Variants in MAPK8 observed in about 807,000 individuals in gnomAD.
MAPK8 encodes the protein mitogen-activated protein kinase 8, also known as JUN N-terminal kinase.
Under a neutral mutation model 52.9 loss-of-function variants are expected in MAPK8, and 13 were observed. The ratio of observed to expected loss-of-function variants is 0.25; its 90% CI spans 0.16 to 0.39. MAPK8 has a LOEUF of 0.39. Ranked by LOEUF, MAPK8 falls within the 10% of genes least tolerant of loss-of-function variation. MAPK8 has a pLI of 1.00. For synonymous variants in MAPK8, 191 were observed against 169.8 expected, an observed-to-expected ratio of 1.12 and a Z score of -0.97; for missense variants, 300 against 519.2, an observed-to-expected ratio of 0.58 and a Z score of 4.10.
chr10:48,352,447 T>G (rs1846428016), intron 1 of MAPK8, among the ~76,000 whole-genome samples: 1 of 152,192 alleles, frequency 6.6e-6, no homozygotes, highest in Non-Finnish European at 1.5e-5. Context: ...GACTTTATTT[T>G]GGGAATGCAA....
At chr10:48,308,698 T>G (rs1841647035) in intron 1 of MAPK8, among the ~76,000 whole-genome samples, 1 of 152,188 alleles carries the variant, frequency 6.6e-6, no homozygotes, top group Non-Finnish European at 1.5e-5. Flanking sequence ...TTTGAAAGTT[T>G]TTTGGTGACT....
chr10:48,322,121 T>C (rs796993855), intron 1 of MAPK8, among the ~76,000 whole-genome samples: 4 of 152,312 alleles, frequency 2.6e-5, no homozygotes, highest in African/African-American at 9.6e-5. Flanking sequence ...GAATTCCTTT[T>C]AGATTGGATG....
intron 5 of MAPK8, among the ~76,000 whole-genome samples, chr10:48,418,012 C>T (rs890483966): frequency 2.6e-5 from 4 of 152,210 alleles, no homozygotes; most frequent in Non-Finnish European, 4.4e-5. Flanking sequence ...GTCTGCGTCA[C>T]AGCTACAAGA....
At chr10:48,424,975 CTGTGTGGTT>C (rs1427754739) in intron 7 of MAPK8, among the ~76,000 whole-genome samples, 1 of 151,964 alleles carries the variant, frequency 6.6e-6, no homozygotes, top group African/African-American at 2.4e-5. Flanking sequence ...TGTTAATGTT[CTGTGTGGTT>C]TGTGTCTTTT....
intron 5 of MAPK8, among the ~76,000 whole-genome samples, chr10:48,412,948 TCTC>T (rs1170960221): frequency 6.6e-6 from 1 of 152,108 alleles, no homozygotes; most frequent in Non-Finnish European, 1.5e-5. Context: ...AATTCCCTAT[TCTC>T]CTCTCCCCGC....
intron 1 of MAPK8, among the ~76,000 whole-genome samples, chr10:48,325,124 T>C (rs1390039248): frequency 6.6e-6 from 1 of 152,012 alleles, no homozygotes; most frequent in African/African-American, 2.4e-5. Flanking sequence ...TACAGGCACG[T>C]GCCACCATGC....
intron 1 of MAPK8, among the ~76,000 whole-genome samples, chr10:48,317,243 A>T (rs1419420050): frequency 6.6e-6 from 1 of 152,146 alleles, no homozygotes; most frequent in Non-Finnish European, 1.5e-5. Context: ...GTGTGATCGT[A>T]GATCACTGCA....
intron 10 of MAPK8, chr10:48,427,398 A>G (rs1333370780): frequency 5.4e-6 from 2 of 370,970 alleles, no homozygotes; most frequent in Non-Finnish European, 1.0e-5. Context: ...GTGAATACAC[A>G]AATGTGTTTA....
rs1386320300 is a variant in MAPK8 at position 48,437,302 on chromosome 10, C to G, written c.*2273C>G. 2.0e-5 allele frequency: 3 copies of G among 152,114 alleles called. No individual in the cohort carries two copies. The highest frequency in any genetic ancestry group is 7.2e-5 in the African/African-American group (3 of 41,416). 9.4% of individuals were successfully genotyped at this position (152,114 alleles called of 1,614,324 possible). A position where few individuals can be genotyped will look rare whatever the true frequency, so the allele number is the denominator to read the frequency against. ...CAGTTTTCGTCTTAAATTTGTTAAGCTAAATATATGTTGGTTCTTTTTATT... is the reference window on the plus strand; with the variant it reads ...CAGTTTTCGTCTTAAATTTGTTAAGGTAAATATATGTTGGTTCTTTTTATT... On this transcript the variant is annotated 3_prime_UTR_variant, in exon 12 of 12. Coordinates refer to ENST00000374189, the MANE Select transcript of MAPK8 (RefSeq NM_001323329.2).
chr10:48,348,691 C>G (rs568324374), intron 1 of MAPK8, among the ~76,000 whole-genome samples: 29 of 152,132 alleles, frequency 1.9e-4, no homozygotes, highest in Non-Finnish European at 4.0e-4. Flanking sequence ...AAGATCAGAT[C>G]GTTGTAGATG....
Position 48,436,626 on chromosome 10 carries a change from T to C in MAPK8, c.*1597T>C, listed in dbSNP as rs1014305805. On this transcript the variant is annotated 3_prime_UTR_variant, in exon 12 of 12. Transcript: ENST00000374189. ...CAACATGCAATGTCTGAAAATTTGC[T>C]TGGCATTTTATTCATATATTTAGTG... 2.0e-5 allele frequency: 3 copies of C among 152,266 alleles called. No homozygotes were observed. The highest frequency in any genetic ancestry group is 4.4e-5 in the Non-Finnish European group (3 of 68,040). 9.4% of individuals were successfully genotyped at this position (152,266 alleles called of 1,614,324 possible).
chr10:48,370,849 A>G (rs1321549622), intron 1 of MAPK8, among the ~76,000 whole-genome samples: 1 of 152,180 alleles, frequency 6.6e-6, no homozygotes, highest in Non-Finnish European at 1.5e-5. Context: ...GGGAGAAGCC[A>G]GGGCTGGAAA....
intron 1 of MAPK8, among the ~76,000 whole-genome samples, chr10:48,363,747 T>C (rs1847779564): frequency 6.6e-6 from 1 of 152,236 alleles, no homozygotes; most frequent in South Asian, 2.1e-4. Flanking sequence ...AGATTGATCC[T>C]TGCTTGCTTT....
chr10:48,412,297 A>C (rs1156863672), intron 5 of MAPK8, among the ~76,000 whole-genome samples: 1 of 152,152 alleles, frequency 6.6e-6, no homozygotes, highest in Non-Finnish European at 1.5e-5. Flanking sequence ...TTTCGCTTTC[A>C]ACAGTTTGAT....
chr10:48,363,928 A>G (rs187829130), intron 1 of MAPK8, among the ~76,000 whole-genome samples: 3 of 152,354 alleles, frequency 2.0e-5, no homozygotes, highest in Admixed American at 2.0e-4. Flanking sequence ...AAAGTGCATT[A>G]CAGTGCTTAG....
At chr10:48,417,661 A>G (rs1216758125) in intron 5 of MAPK8, among the ~76,000 whole-genome samples, 1 of 152,186 alleles carries the variant, frequency 6.6e-6, no homozygotes, top group East Asian at 1.9e-4. Context: ...AGTCAAACAC[A>G]TTCCCCCATA....
At chr10:48,369,958 A>G (rs1848398768) in intron 1 of MAPK8, among the ~76,000 whole-genome samples, 1 of 152,146 alleles carries the variant, frequency 6.6e-6, no homozygotes, top group African/African-American at 2.4e-5. Flanking sequence ...CAAAATAAAT[A>G]TAAACAGTGC....
intron 1 of MAPK8, among the ~76,000 whole-genome samples, chr10:48,350,441 C>A (rs1846199678): frequency 6.6e-6 from 1 of 152,188 alleles, no homozygotes. Flanking sequence ...TGCTTCATCC[C>A]TGGGATGCAA....
At position 48,438,785 on chromosome 10, in the gene MAPK8, G is replaced by A. The variant is rs1002961825; in HGVS notation, c.*3756G>A. 4 of 152,264 alleles carry A rather than the reference G, an allele frequency of 2.6e-5. No homozygotes were observed. Among genetic ancestry groups the A allele is most frequent in the East Asian group, 3.9e-4 (2 of 5,188 alleles). 9.4% of individuals were successfully genotyped at this position (152,264 alleles called of 1,614,324 possible). ...TATACCTTACATCAGTAAGAGACAC[G>A]TGTAAAATCTTTGACTGTATGTCTT... On this transcript the variant is annotated 3_prime_UTR_variant, in exon 12 of 12. Coordinates refer to ENST00000374189, the MANE Select transcript of MAPK8 (RefSeq NM_001323329.2).
Sources: allele counts gnomAD v4.1 joint callset (sites outside exome capture counted in the v4.1 genomes callset), GRCh38; gene constraint gnomAD v4.1.1; transcripts MANE v1.5; gene names NCBI Gene and HGNC (gene_info 2026-07-23, HGNC 2026-07-21).